NCOA3: variants seen among roughly 807,000 people sequenced by gnomAD.
NCOA3 encodes the protein nuclear receptor coactivator 3.
A neutral mutation model predicts 158.8 loss-of-function variants in NCOA3; 51 were observed. The observed-to-expected ratio is 0.32, with a 90% confidence interval of 0.26 to 0.41. NCOA3 has a LOEUF of 0.41. Among genes scored for constraint, NCOA3 ranks in the 10% least tolerant of loss-of-function variants. NCOA3 has a pLI of 1.00. For synonymous variants in NCOA3, 537 were observed against 592.4 expected (o/e 0.91, Z 1.36); for missense variants, 1,510 against 1,746.6 (o/e 0.86, Z 2.41).
intron 4 of NCOA3, 34 bp from the exon 5 acceptor site, chr20:47,625,347 G>A (rs1380789476): frequency 7.2e-7 from 1 of 1,385,596 alleles, no homozygotes; most frequent in East Asian, 2.3e-5. Context: ...AACTGATAGT[G>A]TGTTATTCGT....
chr20:47,540,803 AAATT>A (rs2084713386), intron 1 of NCOA3, among the ~76,000 whole-genome samples: 1 of 152,182 alleles, frequency 6.6e-6, no homozygotes. Context: ...ATTGCCAAAT[AAATT>A]GTACAAATAA....
At chr20:47,600,520 G>A (rs1263421953) in intron 2 of NCOA3, among the ~76,000 whole-genome samples, 6 of 146,614 alleles carry the variant, frequency 4.1e-5, no homozygotes, top group African/African-American at 1.3e-4. Context: ...TTTTTTTGGC[G>A]GGCGTGTGGG....
intron 1 of NCOA3, among the ~76,000 whole-genome samples, chr20:47,564,158 A>G (rs2085154700): frequency 1.8e-5 from 1 of 54,204 alleles, no homozygotes; most frequent in African/African-American, 5.7e-5. Context: ...CAAAAAACGA[A>G]AAAAAAAAAA....
At chr20:47,649,732 T>C (rs1216711807) in intron 19 of NCOA3, among the ~76,000 whole-genome samples, 1 of 152,226 alleles carries the variant, frequency 6.6e-6, no homozygotes, top group East Asian at 1.9e-4. Context: ...TATTGTCTTA[T>C]GCCTACTTGG....
At chr20:47,602,774 G>A (rs1473737090) in intron 2 of NCOA3, among the ~76,000 whole-genome samples, 1 of 152,124 alleles carries the variant, frequency 6.6e-6, no homozygotes, top group Non-Finnish European at 1.5e-5. Flanking sequence ...TGGTGTGAAG[G>A]TACCATCTAA....
At chr20:47,516,447 G>A (rs1413715641) in intron 1 of NCOA3, among the ~76,000 whole-genome samples, 2 of 152,198 alleles carry the variant, frequency 1.3e-5, no homozygotes, top group Non-Finnish European at 2.9e-5. Flanking sequence ...ATTGGAATAA[G>A]AGGGTAGAAG....
chr20:47,576,126 G>T (rs2085368951), intron 1 of NCOA3, among the ~76,000 whole-genome samples: 1 of 152,124 alleles, frequency 6.6e-6, no homozygotes, highest in Non-Finnish European at 1.5e-5. Flanking sequence ...TATAAGAAAA[G>T]AAAAATTTAA....
chr20:47,623,747 C>T (rs2086277820), intron 3 of NCOA3, among the ~76,000 whole-genome samples, 164 bp from the exon 4 acceptor site: 1 of 151,708 alleles, frequency 6.6e-6, no homozygotes, highest in African/African-American at 2.4e-5. Flanking sequence ...AAAGTCGCAC[C>T]GTTGTACTCC....
chr20:47,518,551 G>A (rs761492082), intron 1 of NCOA3, among the ~76,000 whole-genome samples: 19 of 150,158 alleles, frequency 1.3e-4, no homozygotes, highest in Non-Finnish European at 2.1e-4. Context: ...TCAGCCTCCC[G>A]AGTAGCTGGG....
chr20:47,510,157 G>A (rs181754354), intron 1 of NCOA3, among the ~76,000 whole-genome samples: 1 of 152,080 alleles, frequency 6.6e-6, no homozygotes, highest in Non-Finnish European at 1.5e-5. Flanking sequence ...TCATGGCCAG[G>A]AGTGGTGGTT....
At chr20:47,530,065 C>G (rs1323777629) in intron 1 of NCOA3, among the ~76,000 whole-genome samples, 3 of 152,196 alleles carry the variant, frequency 2.0e-5, no homozygotes, top group African/African-American at 7.2e-5. Context: ...CTACTCTTAT[C>G]AGTGATAAAA....
intron 1 of NCOA3, among the ~76,000 whole-genome samples, chr20:47,513,290 A>T (rs2084177474): frequency 6.6e-6 from 1 of 152,212 alleles, no homozygotes; most frequent in South Asian, 2.1e-4. Flanking sequence ...ACTACCCTAT[A>T]CACAAATACG....
intron 1 of NCOA3, among the ~76,000 whole-genome samples, chr20:47,517,331 ATCT>A (rs1434343711): frequency 6.6e-6 from 1 of 152,132 alleles, no homozygotes; most frequent in African/African-American, 2.4e-5. Flanking sequence ...GATCTATTCC[ATCT>A]TCTTCAAGTA....
At chr20:47,504,661 G>A (rs2083998194) in intron 1 of NCOA3, among the ~76,000 whole-genome samples, 1 of 151,638 alleles carries the variant, frequency 6.6e-6, no homozygotes. Flanking sequence ...AAAATTAGCC[G>A]GGCGTGGTGG....
At position 47,611,590 on chromosome 20, in the gene NCOA3, G is replaced by A. The variant is rs538097352; in HGVS notation, c.-19-10639G>A. 3.2e-3 allele frequency among the ~76,000 whole-genome samples: 490 copies of A among 152,156 alleles called. 4 individuals are homozygous for A. Among genetic ancestry groups the A allele is most frequent in the Non-Finnish European group, 2.7e-3 (184 of 67,984 alleles). On this transcript the variant is annotated intron_variant, in intron 2 of 22. Transcript: ENST00000371998. The stretch of plus-strand genomic sequence containing the variant: ...GTTGGTCACCTGAGGTCAGGAGTTC[G>A]AGACCAGCCTGGCCAACATGGCGAA...
In NCOA3 at chr20:47,593,036, C is replaced by T. The variant is rs138100316; in HGVS notation, c.-20+9775C>T. Among the ~76,000 whole-genome samples the T allele has an allele frequency of 4.9e-3, 747 of 152,174 alleles. 7 individuals carry two copies. Among genetic ancestry groups the T allele is most frequent in the African/African-American group, 0.017 (713 of 41,516 alleles). ...ACAATCTCTGCCTCCCAGGTTCAAG[C>T]GATTTTCCTGCCTCAGCCTCTCAAG... On this transcript the variant is annotated intron_variant, in intron 2 of 22. Transcript: ENST00000371998.
chr20:47,618,390 G>C (rs1369987800), intron 2 of NCOA3, among the ~76,000 whole-genome samples: 1 of 107,252 alleles, frequency 9.3e-6, no homozygotes, highest in African/African-American at 3.8e-5. Flanking sequence ...ATTCACTCTT[G>C]CTGCCTAGGC....
chr20:47,511,550 T>TATATATATATATATATATACATACATAC lies in NCOA3; in HGVS notation c.-99+9537_-99+9538insATATATATATATACATACATACATATAT. Among the ~76,000 whole-genome samples, 40 of 52,270 alleles carry TATATATATATATATATATACATACATAC rather than the reference T, an allele frequency of 7.7e-4. 1 individual carries two copies. The highest frequency in any genetic ancestry group is 1.7e-3 in the East Asian group (2 of 1,168). The allele number at this position is 52,270 out of a possible 152,430, so 34.3% of individuals were successfully genotyped here. Reference sequence around the variant, plus strand: ...ATATATATATATATATATATATATATATATATTTCTTTTTTTTTTTGAGAC... The same window carrying TATATATATATATATATATACATACATAC: ...ATATATATATATATATATATATATATATATATATATATATATATACATACATACATATATTTCTTTTTTTTTTTGAGAC... On this transcript the variant is annotated intron_variant, in intron 1 of 22. Coordinates refer to ENST00000371998, the MANE Select transcript of NCOA3 (RefSeq NM_181659.3).
At chr20:47,515,394 C>T (rs1296330726) in intron 1 of NCOA3, among the ~76,000 whole-genome samples, 1 of 151,240 alleles carries the variant, frequency 6.6e-6, no homozygotes, top group Non-Finnish European at 1.5e-5. Flanking sequence ...TGTCGTGATC[C>T]ACCCCCCTCG....
Sources: gnomAD v4.1 joint callset for allele counts (sites outside exome capture counted in the v4.1 genomes callset) on GRCh38, gnomAD v4.1.1 for gene constraint, MANE v1.5 for transcripts, NCBI Gene and HGNC (gene_info 2026-07-23, HGNC 2026-07-21) for gene names.